The following SASH1 variants were observed in gnomAD, a reference collection of about 807,000 sequenced individuals.
SASH1 encodes SAM and SH3 domain containing 1.
A neutral mutation model predicts 125.2 loss-of-function variants in SASH1; 44 were observed. The observed-to-expected ratio is 0.35, with a 90% CI of 0.28 to 0.45. The LOEUF is 0.45. Ranked by LOEUF, SASH1 falls within the 20% of genes least tolerant of loss-of-function variation. The pLI is 1.00. For missense variants in SASH1, 1,426 were observed against 1,614.5 expected, an observed-to-expected ratio of 0.88 and a Z score of 2.00; for synonymous variants, 639 against 649.1, an observed-to-expected ratio of 0.98 and a Z score of 0.24.
chr6:148,345,502 A>G (rs965864906), intron 1 of SASH1, among the ~76,000 whole-genome samples: 4 of 152,206 alleles, frequency 2.6e-5, no homozygotes, highest in Non-Finnish European at 5.9e-5. Flanking sequence ...ATCTGGGGTA[A>G]ACAGGCATGG....
chr6:148,544,427 C>T lies in SASH1; in HGVS notation c.2957C>T (p.Pro986Leu). 2 of 1,614,240 alleles carry T rather than the reference C, an allele frequency of 1.2e-6. No individual in the cohort carries two copies. Among genetic ancestry groups the T allele is most frequent in the Admixed American group, 1.7e-5 (1 of 60,032 alleles). ...MQPKIPSQPP[P>L]VPAKKSRERL... ...CCCAAAATTCCATCACAGCCTCCAC[C>T]TGTTCCTGCCAAAAAGAGCAGAGAA... Residue 986 changes from proline to leucine, a missense_variant, in exon 18 of 20, where the codon CCT becomes CTT. Physicochemically the swap from Pro to Leu is moderately conservative, Grantham distance 98. This residue lies in a region of SASH1 where 634 missense variants were observed against 694.4 expected (regional missense o/e 0.91). Transcript: ENST00000367467. The surrounding 1 kb of genome is among the most constrained non-coding windows in gnomAD (Gnocchi z 6.4).
At chr6:148,417,478 G>A (rs376727159) in intron 2 of SASH1, among the ~76,000 whole-genome samples, 1 of 152,068 alleles carries the variant, frequency 6.6e-6, no homozygotes, top group Non-Finnish European at 1.5e-5. Flanking sequence ...CCAGCTACTC[G>A]AGAGGCTGAG....
chr6:148,521,961 T>A (rs954271519), intron 10 of SASH1, among the ~76,000 whole-genome samples: 1 of 152,232 alleles, frequency 6.6e-6, no homozygotes, highest in African/African-American at 2.4e-5. Flanking sequence ...ACTGTCAGAT[T>A]AATACTATAA....
At chr6:148,239,252 G>C in the SASH1 span, among the ~76,000 whole-genome samples, 1 of 152,090 alleles carries the variant, frequency 6.6e-6, no homozygotes, top group Non-Finnish European at 1.5e-5. Flanking sequence ...TGGGGATGTG[G>C]GTATTTCCTA....
the SASH1 span, among the ~76,000 whole-genome samples, chr6:148,253,744 T>C: frequency 1.3e-5 from 2 of 152,016 alleles, no homozygotes; most frequent in South Asian, 2.1e-4. Context: ...TGGTGGCACG[T>C]GCCTGTAGTC....
the SASH1 span, among the ~76,000 whole-genome samples, chr6:148,200,034 G>A: frequency 4.6e-5 from 7 of 152,308 alleles, 1 homozygote; most frequent in South Asian, 1.5e-3. Flanking sequence ...TGATGGAATT[G>A]TATTTTAAGT....
chr6:148,458,637 G>A (rs1358236732), intron 4 of SASH1, among the ~76,000 whole-genome samples: 2 of 152,128 alleles, frequency 1.3e-5, no homozygotes, highest in African/African-American at 4.8e-5. Context: ...CTGGTCAGTT[G>A]CTGATTCCTT....
intron 9 of SASH1, among the ~76,000 whole-genome samples, chr6:148,516,188 C>T (rs947260504): frequency 1.3e-5 from 2 of 152,228 alleles, no homozygotes; most frequent in Non-Finnish European, 2.9e-5. Context: ...TCAGGCTTCA[C>T]AGATGGAAGA....
At chr6:148,408,912 A>T in intron 2 of SASH1, among the ~76,000 whole-genome samples, 1 of 152,132 alleles carries the variant, frequency 6.6e-6, no homozygotes, top group East Asian at 1.9e-4. Context: ...AATTGAAGTG[A>T]TTTGCTTTGG....
chr6:148,317,602 T>A (rs1013053523), intron 1 of SASH1, among the ~76,000 whole-genome samples: 1 of 152,180 alleles, frequency 6.6e-6, no homozygotes, highest in African/African-American at 2.4e-5. Flanking sequence ...TTTTTTTGTA[T>A]TTTTAGTAGA....
At chr6:148,415,073 A>G (rs1324580715) in intron 2 of SASH1, among the ~76,000 whole-genome samples, 7 of 152,252 alleles carry the variant, frequency 4.6e-5, no homozygotes, top group African/African-American at 1.7e-4. Context: ...TCGACTTCAC[A>G]GAGTGCACAG....
chr6:148,492,966 C>T (rs1011772590), intron 8 of SASH1, among the ~76,000 whole-genome samples: 12 of 152,158 alleles, frequency 7.9e-5, no homozygotes, highest in African/African-American at 2.7e-4. Context: ...ATAGATGGCC[C>T]GCAAATAAAT....
intron 1 of SASH1, among the ~76,000 whole-genome samples, chr6:148,346,968 T>C (rs1781542930): frequency 6.6e-6 from 1 of 152,192 alleles, no homozygotes; most frequent in Admixed American, 6.5e-5. Flanking sequence ...AGTGCAAAAC[T>C]GAGTTAGAAT....
chr6:148,288,153 C>T (rs1331365089), intron 1 of SASH1, among the ~76,000 whole-genome samples: 1 of 143,942 alleles, frequency 6.9e-6, no homozygotes, highest in South Asian at 2.2e-4. Context: ...ACCCGCGGGC[C>T]CCAGCTGTCA....
At chr6:148,372,334 G>A (rs1782733779) in intron 1 of SASH1, among the ~76,000 whole-genome samples, 1 of 152,102 alleles carries the variant, frequency 6.6e-6, no homozygotes, top group East Asian at 1.9e-4. Context: ...AAACATAGAC[G>A]TGCCAGATGT....
chr6:148,311,904 A>T (rs1468216111), intron 1 of SASH1, among the ~76,000 whole-genome samples: 1 of 152,226 alleles, frequency 6.6e-6, no homozygotes, highest in Non-Finnish European at 1.5e-5. Context: ...AACCTGCTTC[A>T]ACTGGTAAAC....
At chr6:148,534,727 C>T in intron 15 of SASH1, 24 bp from the exon 16 acceptor site, 2 of 1,613,982 alleles carry the variant, frequency 1.2e-6, no homozygotes, top group Non-Finnish European at 1.7e-6. Context: ...TGACACCCTT[C>T]TGTCTTCCTT....
intron 19 of SASH1, among the ~76,000 whole-genome samples, chr6:148,547,137 G>A (rs759272674): frequency 5.3e-5 from 8 of 152,000 alleles, no homozygotes; most frequent in Non-Finnish European, 8.8e-5. Context: ...TTACTTAAAG[G>A]AAGCACTTAA....
rs546491528 is a variant in SASH1, at chr6:148,361,367, G to T, written c.156+18144G>T. Among the ~76,000 whole-genome samples, 3 of 152,338 alleles carry T rather than the reference G, an allele frequency of 2.0e-5. No individual in the cohort carries two copies. The South Asian group carries it at 6.2e-4, about 32-fold the overall frequency. ...AATCCCAGCACTTTGGGAGGGCAAG[G>T]CGGGTGGATCACCTGAGGTCAGGAG... On this transcript the variant is annotated intron_variant, in intron 1 of 19. Coordinates refer to ENST00000367467, the MANE Select transcript of SASH1 (RefSeq NM_015278.5).
Sources: gnomAD v4.1 joint callset for allele counts (sites outside exome capture counted in the v4.1 genomes callset) on GRCh38, gnomAD v4.1.1 for gene constraint, gnomAD v4.1.1 regional missense constraint, Gnocchi (gnomAD v3.1) non-coding constraint, MANE v1.5 for transcripts, NCBI Gene and HGNC (gene_info 2026-07-23, HGNC 2026-07-21) for gene names.